The following BBOF1 variants were observed in gnomAD, a reference collection of about 807,000 sequenced individuals.
The protein encoded by BBOF1 is basal body orientation factor 1.
BBOF1 carries 62 observed loss-of-function variants against 68.0 expected under a neutral mutation model. The observed-to-expected ratio is 0.91, with a 90% CI of 0.74 to 1.13. BBOF1 has a LOEUF of 1.13. BBOF1 is among the 50% of genes most tolerant of loss of function. BBOF1 has a pLI of 0.00. For synonymous variants in BBOF1, 208 were observed against 198.8 expected (o/e 1.05, Z -0.39); for missense variants, 534 against 600.1 (o/e 0.89, Z 1.15).
chr14:74,027,082 C>CTTTTTTTTTTTTT (rs1189972161), intron 2 of BBOF1, among the ~76,000 whole-genome samples: 1 of 88,158 alleles, frequency 1.1e-5, no homozygotes, highest in Admixed American at 1.6e-4. Context: ...GAAAGGAAGC[C>CTTTTTTTTTTTTT]TTTTTTTTTT....
At chr14:74,024,277 G>A (rs1013213308) in intron 2 of BBOF1, among the ~76,000 whole-genome samples, 1 of 151,924 alleles carries the variant, frequency 6.6e-6, no homozygotes, top group African/African-American at 2.4e-5. Flanking sequence ...GGGGAACAAA[G>A]CAAGACCCAG....
downstream of BBOF1, among the ~76,000 whole-genome samples, chr14:74,067,160 G>A (rs1304300513): frequency 6.6e-6 from 1 of 152,170 alleles, no homozygotes; most frequent in Non-Finnish European, 1.5e-5. Flanking sequence ...GCTGCCATGA[G>A]CTAGGATGGT....
chr14:74,034,245 A>G lies in BBOF1; in HGVS notation c.495+74A>G. 7 of 992,342 alleles carry G rather than the reference A, an allele frequency of 7.1e-6. No individual in the cohort carries two copies. In the South Asian group the frequency reaches 1.3e-4, roughly 19 times the overall value. 61.5% of individuals were successfully genotyped at this position (992,342 alleles called of 1,614,324 possible). ...AATGCCTACAGAAGCCTTCACAAAC[A>G]TTTACTCCTGTGAGACGGCAAAGAA... is the stretch of plus-strand genomic sequence containing the variant. On this transcript the variant is annotated intron_variant, in intron 4 of 11. Transcript: ENST00000394009.
At chr14:74,057,830 A>T (rs2060252139) in intron 11 of BBOF1, 1 of 1,032,246 alleles carries the variant, frequency 9.7e-7, no homozygotes, top group South Asian at 3.4e-5. Flanking sequence ...AGAAATAAGA[A>T]ACTCTGAGCA....
chr14:74,035,685 G>A (rs751991562), intron 4 of BBOF1, among the ~76,000 whole-genome samples: 18 of 142,980 alleles, frequency 1.3e-4, no homozygotes, highest in Middle Eastern at 4.1e-3. Context: ...TGGCCACCTC[G>A]GCCTCCCAAA....
intron 9 of BBOF1, chr14:74,074,946 T>C (rs2060595848): frequency 6.2e-7 from 1 of 1,613,570 alleles, no homozygotes; most frequent in African/African-American, 1.3e-5. Flanking sequence ...CTATGCCAAA[T>C]AAACTCACCA....
chr14:74,056,794 T>A (rs137891181), intron 9 of BBOF1, 112 bp from the exon 10 acceptor site: 4 of 699,700 alleles, frequency 5.7e-6, no homozygotes, highest in Middle Eastern at 3.9e-4. Flanking sequence ...GTATACCTAC[T>A]ATCACCCACA....
intron 1 of BBOF1, among the ~76,000 whole-genome samples, chr14:74,019,832 C>T (rs1395837635): frequency 6.6e-6 from 1 of 152,198 alleles, no homozygotes; most frequent in Admixed American, 6.5e-5. Context: ...TGAGGTTTTC[C>T]CAAACTGATC....
intron 11 of BBOF1, chr14:74,059,517 G>C (rs1030292512): frequency 1.6e-5 from 6 of 366,772 alleles, no homozygotes; most frequent in Non-Finnish European, 3.2e-5. Flanking sequence ...CCAACACGGA[G>C]AAACCCCGTC....
At chr14:74,040,088 A>G (rs1327980333) in intron 4 of BBOF1, among the ~76,000 whole-genome samples, 3 of 152,114 alleles carry the variant, frequency 2.0e-5, no homozygotes, top group Admixed American at 6.6e-5. Context: ...CTTGGGCCCA[A>G]GTGATCCTCC....
chr14:74,019,648 C>G, intron 1 of BBOF1, 114 bp downstream of exon 1: 9 of 1,499,290 alleles, frequency 6.0e-6, no homozygotes, highest in East Asian at 2.6e-5. Flanking sequence ...CTCCCCGGCT[C>G]TCCCGGCTTG....
intron 8 of BBOF1, among the ~76,000 whole-genome samples, chr14:74,052,725 G>A (rs2139645481): frequency 6.6e-6 from 1 of 151,570 alleles, no homozygotes; most frequent in South Asian, 2.1e-4. Flanking sequence ...GGCTGGGTGT[G>A]GTGGCTCATG....
intron 7 of BBOF1, among the ~76,000 whole-genome samples, chr14:74,048,860 A>T (rs942334077): frequency 2.8e-4 from 43 of 152,232 alleles, no homozygotes; most frequent in Non-Finnish European, 4.1e-4. Flanking sequence ...ATAGTTATTA[A>T]TGTTTTACTA....
Position 74,049,957 on chromosome 14 carries a change from A to C in BBOF1, c.1048A>C (p.Lys350Gln), listed in dbSNP as rs752230969. ...AATGAATCGTGTGAAGAAGCTGGCC[A>C]AGAACATACTGGATGAGAGAACAGA... The part of the protein sequence containing the change: ...REMNRVKKLA[K>Q]NILDERTEVE... The change falls in exon 8 of 12, where the codon AAG becomes CAG. Residue 350 changes from lysine to glutamine, a missense_variant. By Grantham distance (53) the Lys-to-Gln change is moderately conservative (BLOSUM62 1). Transcript: ENST00000394009. 1 of 1,614,186 alleles carries C rather than the reference A, an allele frequency of 6.2e-7. No individual in the cohort carries two copies. Among genetic ancestry groups the C allele is most frequent in the South Asian group, 1.1e-5 (1 of 91,082 alleles).
At chr14:74,040,688 A>G in intron 5 of BBOF1, 43 bp downstream of exon 5, 1 of 1,184,030 alleles carries the variant, frequency 8.4e-7, no homozygotes, top group Non-Finnish European at 1.2e-6. Flanking sequence ...TGTTTACTAG[A>G]ACATAAGTGT....
At position 74,024,349 on chromosome 14, in the gene BBOF1, G is replaced by A. The variant is rs147004396; in HGVS notation, c.285+1205G>A. Among the ~76,000 whole-genome samples, 937 of 152,214 alleles carry A rather than the reference G, an allele frequency of 6.2e-3. 10 individuals are homozygous for A. Among genetic ancestry groups the A allele is most frequent in the African/African-American group, 0.022 (896 of 41,558 alleles). ...TGTGCACCTGTAGTCCCAGCTACTCGGGAGGCTAAGGCGGGAGGATCACTT... is the reference window on the plus strand; with the variant it reads ...TGTGCACCTGTAGTCCCAGCTACTCAGGAGGCTAAGGCGGGAGGATCACTT... On this transcript the variant is annotated intron_variant, in intron 2 of 11. Transcript: ENST00000394009.
At chr14:74,045,720 A>C (rs562746143) in intron 5 of BBOF1, among the ~76,000 whole-genome samples, 1 of 152,360 alleles carries the variant, frequency 6.6e-6, no homozygotes, top group East Asian at 1.9e-4. Context: ...TACTGAGAAC[A>C]GCCTAGTCCT....
downstream of BBOF1, among the ~76,000 whole-genome samples, chr14:74,068,656 T>C (rs2060506107): frequency 6.6e-6 from 1 of 151,824 alleles, no homozygotes; most frequent in South Asian, 2.1e-4. Flanking sequence ...GGCAGGAGAA[T>C]CGCTTGAACC....
At chr14:74,076,442 A>T (rs1311975061) in intron 9 of BBOF1, among the ~76,000 whole-genome samples, 1 of 152,044 alleles carries the variant, frequency 6.6e-6, no homozygotes, top group Non-Finnish European at 1.5e-5. Flanking sequence ...GCTCACTGCA[A>T]CCTCTGCCTC....
Sources: gnomAD v4.1 joint callset for allele counts (sites outside exome capture counted in the v4.1 genomes callset) on GRCh38, gnomAD v4.1.1 for gene constraint, MANE v1.5 for transcripts, NCBI Gene and HGNC (gene_info 2026-07-23, HGNC 2026-07-21) for gene names.